RBFOX1: variants seen among roughly 807,000 people sequenced by gnomAD.
RBFOX1 encodes the protein RNA binding protein fox-1 homolog 1.
Under a neutral mutation model 57.7 loss-of-function variants are expected in RBFOX1, and 8 were observed. The observed-to-expected ratio is 0.14, with a 90% CI of 0.08 to 0.25. RBFOX1 has a LOEUF of 0.25. Among genes scored for constraint, RBFOX1 ranks in the 10% least tolerant of loss-of-function variants. RBFOX1 has a pLI of 1.00. For missense variants in RBFOX1, 611 were observed against 548.5 expected (o/e 1.11, Z -1.14); for synonymous variants, 326 against 222.4 (o/e 1.47, Z -4.15).
chr16:7,173,963 A>G (rs2081196588), intron 4 of RBFOX1, among the ~76,000 whole-genome samples: 1 of 152,198 alleles, frequency 6.6e-6, no homozygotes, highest in Non-Finnish European at 1.5e-5. Context: ...ATGAAAGACA[A>G]ACCATTTGGT....
chr16:7,210,837 A>C (rs1009621821), intron 4 of RBFOX1, among the ~76,000 whole-genome samples: 1 of 152,174 alleles, frequency 6.6e-6, no homozygotes, highest in Non-Finnish European at 1.5e-5. Flanking sequence ...GTACAGTATG[A>C]TGACTCTAAG....
chr16:5,501,016 C>G (rs1018313834), intron 2 of RBFOX1, among the ~76,000 whole-genome samples: 3 of 152,096 alleles, frequency 2.0e-5, no homozygotes, highest in Middle Eastern at 3.4e-3. Context: ...ATTCCATGAG[C>G]CTGAAAAAAG....
chr16:7,140,986 A>C (rs1255276423), intron 4 of RBFOX1, among the ~76,000 whole-genome samples: 1 of 152,148 alleles, frequency 6.6e-6, no homozygotes, highest in Non-Finnish European at 1.5e-5. Context: ...GTGAAGAGGA[A>C]CCCTCGTTGG....
At chr16:7,587,203 T>C in intron 6 of RBFOX1, 44 bp from the exon 7 acceptor site, 1 of 1,480,334 alleles carries the variant, frequency 6.8e-7, no homozygotes, top group Non-Finnish European at 9.0e-7. Context: ...TAATGTCTAC[T>C]GCATTTCTCT....
chr16:7,181,494 C>A (rs865925930), intron 4 of RBFOX1, among the ~76,000 whole-genome samples: 1 of 151,594 alleles, frequency 6.6e-6, no homozygotes, highest in South Asian at 2.1e-4. Context: ...TAACTAAATT[C>A]CTTCCTTCCT....
chr16:7,406,791 G>T (rs1183766691), intron 4 of RBFOX1, among the ~76,000 whole-genome samples: 1 of 152,178 alleles, frequency 6.6e-6, no homozygotes, highest in East Asian at 1.9e-4. Context: ...AGGTCTTACT[G>T]TACTAAACTT....
chr16:5,852,571 G>C (rs768663933), intron 3 of RBFOX1, among the ~76,000 whole-genome samples: 2 of 152,170 alleles, frequency 1.3e-5, no homozygotes, highest in African/African-American at 2.4e-5. Flanking sequence ...GGCAAGGCAC[G>C]ATTCTGCAGA....
intron 4 of RBFOX1, among the ~76,000 whole-genome samples, chr16:7,447,297 G>A (rs1333703327): frequency 6.6e-6 from 1 of 151,824 alleles, no homozygotes; most frequent in African/African-American, 2.4e-5. Context: ...GCCAGCTGTG[G>A]TGGCACACAC....
intron 3 of RBFOX1, among the ~76,000 whole-genome samples, chr16:6,900,975 C>T (rs145913712): frequency 6.6e-6 from 1 of 152,130 alleles, no homozygotes; most frequent in African/African-American, 2.4e-5. Context: ...AAGATGTTCC[C>T]ATAACGTTCA....
intron 4 of RBFOX1, among the ~76,000 whole-genome samples, chr16:7,516,689 G>C (rs2076428203): frequency 6.6e-6 from 1 of 152,204 alleles, no homozygotes; most frequent in African/African-American, 2.4e-5. Flanking sequence ...GTCTGGAGGA[G>C]GGAAGAGCCT....
rs558883714 is a variant in RBFOX1 at position 5,393,421 on chromosome 16, C to A, written c.220-73795C>A. 5.3e-5 allele frequency among the ~76,000 whole-genome samples: 8 copies of A among 152,302 alleles called. No homozygotes were observed. In the East Asian group the frequency reaches 1.5e-3, roughly 29 times the overall value. On this transcript the variant is annotated intron_variant, in intron 1 of 2. Coordinates refer to the RBFOX1 transcript ENST00000585867. ...GATCTCCCTTCTGCTTTTATTCCTA[C>A]CCCTTCAGTGGTTAAGCAAATATGC...
At chr16:6,505,831 T>C (rs1313251645) in intron 2 of RBFOX1, among the ~76,000 whole-genome samples, 2 of 152,202 alleles carry the variant, frequency 1.3e-5, no homozygotes, top group Non-Finnish European at 2.9e-5. Flanking sequence ...TTCAAATGTA[T>C]CCAGGTCCTA....
intron 4 of RBFOX1, among the ~76,000 whole-genome samples, chr16:7,307,498 T>G (rs1251017645): frequency 2.0e-5 from 3 of 152,212 alleles, no homozygotes; most frequent in Non-Finnish European, 4.4e-5. Flanking sequence ...ACTTTGATGT[T>G]TACATTATTT....
intron 2 of RBFOX1, among the ~76,000 whole-genome samples, chr16:6,348,116 A>G (rs2085680295): frequency 6.6e-6 from 1 of 152,040 alleles, no homozygotes; most frequent in African/African-American, 2.4e-5. Context: ...TTATAGCTTT[A>G]TGGGTTTGTG....
rs1164844059 is a variant in RBFOX1, at chr16:7,449,427, G to T, written c.28-68720G>T. Among the ~76,000 whole-genome samples, 6 of 152,276 alleles carry T rather than the reference G, an allele frequency of 3.9e-5. No individual in the cohort carries two copies. The East Asian group carries it at 1.2e-3, about 29-fold the overall frequency. On this transcript the variant is annotated intron_variant, in intron 4 of 15. Transcript: ENST00000550418. ...ATTCAGAATGAATAGAAAACTTGAA[G>T]AGGTTTGGCAGGAGTGAGCCCTGCT...
At chr16:6,699,731 G>A (rs957538933) in intron 3 of RBFOX1, among the ~76,000 whole-genome samples, 5 of 152,130 alleles carry the variant, frequency 3.3e-5, no homozygotes, top group African/African-American at 4.8e-5. Context: ...AGGCATGGCC[G>A]TTGCCTTGAA....
At chr16:5,354,146 C>T (rs988181686) in intron 1 of RBFOX1, among the ~76,000 whole-genome samples, 7 of 152,196 alleles carry the variant, frequency 4.6e-5, no homozygotes, top group African/African-American at 1.7e-4. Context: ...GAACATTTTC[C>T]CTGTCTCCTT....
rs1447498693 is a variant in RBFOX1 at position 7,029,125 on chromosome 16, T to C, written c.-15-22932T>C. On this transcript the variant is annotated intron_variant, in intron 3 of 15. Coordinates refer to ENST00000550418, the MANE Select transcript of RBFOX1 (RefSeq NM_018723.4). ...ACACACACACACACACACACACATA[T>C]ACGTATATATATATGTGTATATATG... is the stretch of plus-strand genomic sequence containing the variant. Among the ~76,000 whole-genome samples, 7 of 97,836 alleles carry C rather than the reference T, an allele frequency of 7.2e-5. 1 individual carries two copies. The highest frequency in any genetic ancestry group is 2.9e-4 in the African/African-American group (6 of 20,954). 64.2% of individuals were successfully genotyped at this position (97,836 alleles called of 152,430 possible).
At position 6,009,766 on chromosome 16, in the gene RBFOX1, G is replaced by A. The variant is rs115012599; in HGVS notation, c.351+142431G>A. Among the ~76,000 whole-genome samples the A allele has an allele frequency of 6.9e-3, 1,034 of 150,560 alleles. 9 individuals are homozygous for A. Among genetic ancestry groups the A allele is most frequent in the African/African-American group, 0.022 (905 of 40,736 alleles). ...AAAATGCACTGATATTCCTTATCAGGCATTTGGAACATCTGTGACATGGGG... is the reference window on the plus strand; with the variant it reads ...AAAATGCACTGATATTCCTTATCAGACATTTGGAACATCTGTGACATGGGG... On this transcript the variant is annotated intron_variant, in intron 4 of 19. Transcript: ENST00000641259.
Sources: allele counts gnomAD v4.1 joint callset (sites outside exome capture counted in the v4.1 genomes callset), GRCh38; gene constraint gnomAD v4.1.1; transcripts MANE v1.5; gene names NCBI Gene and HGNC (gene_info 2026-07-23, HGNC 2026-07-21).